Variants in KCNMA1 observed in about 807,000 individuals in gnomAD.
KCNMA1 encodes the protein potassium calcium-activated channel subfamily M alpha 1.
A neutral mutation model predicts 140.0 loss-of-function variants in KCNMA1; 29 were observed. The ratio of observed to expected loss-of-function variants is 0.21; its 90% confidence interval spans 0.15 to 0.28. The LOEUF is 0.28. Ranked by LOEUF, KCNMA1 falls within the 10% of genes least tolerant of loss-of-function variation. The pLI is 1.00. For synonymous variants in KCNMA1, 612 were observed against 611.9 expected (o/e 1.00, Z 0.00); for missense variants, 880 against 1,602.2 (o/e 0.55, Z 7.70).
chr10:77,554,597 C>CAAAAAAAAAAAAAAAA (rs59754706), intron 1 of KCNMA1, among the ~76,000 whole-genome samples: 4 of 84,094 alleles, frequency 4.8e-5, no homozygotes, highest in African/African-American at 1.3e-4. Flanking sequence ...TACTCCATCT[C>CAAAAAAAAAAAAAAAA]AAAAAAAAAA....
At chr10:76,968,121 T>G (rs1373898601) in intron 20 of KCNMA1, among the ~76,000 whole-genome samples, 1 of 152,144 alleles carries the variant, frequency 6.6e-6, no homozygotes, top group African/African-American at 2.4e-5. Flanking sequence ...TCACTTTCTA[T>G]TGCACATAAA....
At chr10:77,491,284 C>T (rs2039739750) in intron 1 of KCNMA1, among the ~76,000 whole-genome samples, 1 of 152,118 alleles carries the variant, frequency 6.6e-6, no homozygotes, top group Non-Finnish European at 1.5e-5. Flanking sequence ...CAGGAGACCA[C>T]TGAAGAGTTC....
chr10:77,344,487 A>C (rs2091728505), intron 2 of KCNMA1, among the ~76,000 whole-genome samples: 2 of 152,180 alleles, frequency 1.3e-5, no homozygotes, highest in Non-Finnish European at 1.5e-5. Flanking sequence ...ATTATCTTGA[A>C]GCTTATTTGG....
At chr10:77,487,572 T>A (rs1028468698) in intron 1 of KCNMA1, among the ~76,000 whole-genome samples, 1 of 152,098 alleles carries the variant, frequency 6.6e-6, no homozygotes, top group Non-Finnish European at 1.5e-5. Flanking sequence ...AATATCCCAA[T>A]AAAAGTAATT....
chr10:77,555,528 C>T (rs2064085080), intron 1 of KCNMA1, among the ~76,000 whole-genome samples: 1 of 152,174 alleles, frequency 6.6e-6, no homozygotes, highest in African/African-American at 2.4e-5. Context: ...TCTTTCTGAA[C>T]AGAACTTGAA....
At chr10:77,113,103 T>C (rs889799650) in intron 6 of KCNMA1, among the ~76,000 whole-genome samples, 24 of 152,188 alleles carry the variant, frequency 1.6e-4, no homozygotes, top group Non-Finnish European at 7.4e-5. Flanking sequence ...CCAAGTTTCA[T>C]GCACTGCATT....
intron 27 of KCNMA1, 96 bp from the exon 28 acceptor site, chr10:76,887,611 C>A: frequency 7.0e-6 from 10 of 1,418,860 alleles, no homozygotes; most frequent in Non-Finnish European, 9.9e-6. Flanking sequence ...TTACTCAGGA[C>A]TTTCAGAGGA....
At chr10:77,536,134 A>G (rs546999732) in intron 1 of KCNMA1, among the ~76,000 whole-genome samples, 1 of 152,370 alleles carries the variant, frequency 6.6e-6, no homozygotes, top group African/African-American at 2.4e-5. Flanking sequence ...TGCTCACAGC[A>G]AACTATCACA....
chr10:77,500,135 T>C (rs2043333345), intron 1 of KCNMA1, among the ~76,000 whole-genome samples: 2 of 151,260 alleles, frequency 1.3e-5, no homozygotes, highest in African/African-American at 4.8e-5. Flanking sequence ...AAATATCTAT[T>C]ACAGATAGAC....
In KCNMA1 at chr10:77,397,950, T is replaced by C. The variant is rs180968686; in HGVS notation, c.540+5912A>G. ...GTTGCTGCAAAAGACATGATTTCAT[T>C]CTTTTTTATGGCTGAATAGTATCTT... On this transcript the variant is annotated intron_variant, in intron 2 of 27. Transcript: ENST00000286628. Among the ~76,000 whole-genome samples, 348 of 152,202 alleles carry C rather than the reference T, an allele frequency of 2.3e-3. 1 individual carries two copies. Among genetic ancestry groups the C allele is most frequent in the African/African-American group, 8.1e-3 (337 of 41,546 alleles).
At chr10:77,503,987 A>G (rs1355709239) in intron 1 of KCNMA1, among the ~76,000 whole-genome samples, 1 of 152,058 alleles carries the variant, frequency 6.6e-6, no homozygotes, top group Non-Finnish European at 1.5e-5. Flanking sequence ...CAAACAGTGA[A>G]GAGGGGGTCC....
chr10:77,271,934 G>C (rs751314557), intron 2 of KCNMA1, among the ~76,000 whole-genome samples: 5 of 152,162 alleles, frequency 3.3e-5, no homozygotes, highest in Non-Finnish European at 7.3e-5. Flanking sequence ...GGTGAGGACA[G>C]AATGCCATCC....
chr10:77,400,955 C>T (rs946870872), intron 2 of KCNMA1, among the ~76,000 whole-genome samples: 3 of 151,602 alleles, frequency 2.0e-5, no homozygotes, highest in Non-Finnish European at 4.4e-5. Flanking sequence ...TGCTTGGTGT[C>T]AGTGCAGACC....
At chr10:77,418,630 T>C (rs370154429) in intron 1 of KCNMA1, among the ~76,000 whole-genome samples, 1 of 151,642 alleles carries the variant, frequency 6.6e-6, no homozygotes, top group Non-Finnish European at 1.5e-5. Flanking sequence ...AAGTGGCTGG[T>C]CCAGCCCTAC....
Position 76,885,853 on chromosome 10 carries a change from AAAG to A in KCNMA1, c.*1410_*1412del. 1 of 985,206 alleles carries A rather than the reference AAAG, an allele frequency of 1.0e-6. No individual in the cohort carries two copies. Among genetic ancestry groups the A allele is most frequent in the Non-Finnish European group, 1.2e-6 (1 of 829,716 alleles). 61.0% of individuals were successfully genotyped at this position (985,206 alleles called of 1,614,324 possible). On this transcript the variant is annotated 3_prime_UTR_variant, in exon 28 of 28. Coordinates refer to ENST00000286628, the MANE Select transcript of KCNMA1 (RefSeq NM_001161352.2). The stretch of plus-strand genomic sequence containing the variant: ...TAAGTGTTAAAAAAGAAAGAAAACA[AAAG>A]AAGAAAAAAATAACTATACCAAAAT...
At chr10:77,248,188 C>G (rs1364336632) in intron 3 of KCNMA1, among the ~76,000 whole-genome samples, 1 of 152,176 alleles carries the variant, frequency 6.6e-6, no homozygotes, top group Non-Finnish European at 1.5e-5. Context: ...AACTACCTAG[C>G]CTGCTTGTCC....
At chr10:77,109,962 G>A (rs137860409) in intron 8 of KCNMA1, among the ~76,000 whole-genome samples, 127 of 152,252 alleles carry the variant, frequency 8.3e-4, no homozygotes, top group African/African-American at 2.6e-3. Flanking sequence ...CCCCGACAAG[G>A]GCAATGTGCC....
At chr10:77,161,006 C>T (rs2098548362) in intron 5 of KCNMA1, among the ~76,000 whole-genome samples, 1 of 152,198 alleles carries the variant, frequency 6.6e-6, no homozygotes, top group South Asian at 2.1e-4. Context: ...TTCTAAAAGG[C>T]CCAGTCCCTC....
At chr10:77,181,380 G>A (rs1405970318) in intron 5 of KCNMA1, among the ~76,000 whole-genome samples, 4 of 152,084 alleles carry the variant, frequency 2.6e-5, no homozygotes, top group Non-Finnish European at 4.4e-5. Context: ...GTTTTAAAAG[G>A]AGTCCCTGTT....
Sources: allele counts gnomAD v4.1 joint callset (sites outside exome capture counted in the v4.1 genomes callset), GRCh38; gene constraint gnomAD v4.1.1; transcripts MANE v1.5; gene names NCBI Gene and HGNC (gene_info 2026-07-23, HGNC 2026-07-21).